The following ADCY2 variants were observed in gnomAD, a reference collection of about 807,000 sequenced individuals.
ADCY2 encodes adenylate cyclase 2.
A neutral mutation model predicts 125.2 loss-of-function variants in ADCY2; 31 were observed. That is an observed-to-expected ratio of 0.25 (90% CI 0.19 to 0.33). ADCY2 has a LOEUF of 0.33. ADCY2 is among the 10% of genes least tolerant of loss of function. The pLI is 1.00. For missense variants in ADCY2, 904 were observed against 1,418.2 expected (o/e 0.64, Z 5.82); for synonymous variants, 512 against 548.4 (o/e 0.93, Z 0.93).
intron 2 of ADCY2, among the ~76,000 whole-genome samples, chr5:7,491,177 T>C (rs972259778): frequency 2.6e-5 from 4 of 152,230 alleles, no homozygotes; most frequent in Non-Finnish European, 4.4e-5. Flanking sequence ...TTTATCTATT[T>C]AATAACTTGA....
intron 3 of ADCY2, among the ~76,000 whole-genome samples, chr5:7,560,786 T>G (rs1735684133): frequency 6.6e-6 from 1 of 151,972 alleles, no homozygotes; most frequent in South Asian, 2.1e-4. Flanking sequence ...CCTCCGAGAT[T>G]CAAGCGATTC....
At chr5:7,708,491 G>T (rs1204223631) in intron 9 of ADCY2, among the ~76,000 whole-genome samples, 2 of 152,120 alleles carry the variant, frequency 1.3e-5, no homozygotes, top group African/African-American at 4.8e-5. Flanking sequence ...TCAAATTCCT[G>T]CCAAATGGGT....
rs200896424 is a variant in ADCY2 at position 7,433,135 on chromosome 5, A to AACC, written c.408+18368_408+18370dup. Among the ~76,000 whole-genome samples, 22 of 152,322 alleles carry AACC rather than the reference A, an allele frequency of 1.4e-4. No individual in the cohort carries two copies. The East Asian group carries it at 4.1e-3, about 28-fold the overall frequency. Reference sequence around the variant, plus strand: ...CGCCAAAAAACGTGTCCAGGCTGGAAACCACTGCTTCTTCCTTCTTTCCAT... The same window carrying AACC: ...CGCCAAAAAACGTGTCCAGGCTGGAAACCACCACTGCTTCTTCCTTCTTTCCAT... On this transcript the variant is annotated intron_variant, in intron 2 of 24. Transcript: ENST00000338316.
At chr5:7,502,784 C>T (rs752391472) in intron 2 of ADCY2, among the ~76,000 whole-genome samples, 13 of 152,184 alleles carry the variant, frequency 8.5e-5, no homozygotes, top group Non-Finnish European at 1.5e-4. Flanking sequence ...TTTCCCAATA[C>T]TGTGCTTGAC....
chr5:7,626,345 T>A, intron 4 of ADCY2, 29 bp downstream of exon 4: 2 of 1,608,668 alleles, frequency 1.2e-6, no homozygotes, highest in Non-Finnish European at 1.7e-6. Flanking sequence ...TACATCCACA[T>A]TATTTTAGTC....
chr5:7,488,115 T>C (rs1358313940), intron 2 of ADCY2, among the ~76,000 whole-genome samples: 1 of 152,146 alleles, frequency 6.6e-6, no homozygotes, highest in Admixed American at 6.5e-5. Context: ...ATAATCCCCA[T>C]GTGTAAAGGG....
At chr5:7,426,056 T>C (rs1302545601) in intron 2 of ADCY2, among the ~76,000 whole-genome samples, 1 of 152,040 alleles carries the variant, frequency 6.6e-6, no homozygotes, top group African/African-American at 2.4e-5. Context: ...GGTAGTAAAG[T>C]CCCTGGAAGA....
At chr5:7,422,434 A>G (rs1452655741) in intron 2 of ADCY2, among the ~76,000 whole-genome samples, 4 of 152,056 alleles carry the variant, frequency 2.6e-5, no homozygotes, top group Non-Finnish European at 5.9e-5. Context: ...TTTTTCAGGC[A>G]GGTTGGATTG....
At chr5:7,472,530 G>T (rs552657418) in intron 2 of ADCY2, among the ~76,000 whole-genome samples, 202 of 151,986 alleles carry the variant, frequency 1.3e-3, no homozygotes, top group African/African-American at 4.8e-3. Flanking sequence ...TATGCAAGTA[G>T]ATATATATAT....
At chr5:7,405,122 A>AACTT (rs1474446780) in intron 1 of ADCY2, among the ~76,000 whole-genome samples, 2 of 152,148 alleles carry the variant, frequency 1.3e-5, no homozygotes, top group Admixed American at 1.3e-4. Flanking sequence ...GATAGAACCT[A>AACTT]ACTTGATGAA....
chr5:7,676,548 T>C (rs1424519779), intron 4 of ADCY2, among the ~76,000 whole-genome samples: 1 of 152,162 alleles, frequency 6.6e-6, no homozygotes, highest in Admixed American at 6.5e-5. Flanking sequence ...ATAATTCATA[T>C]GGATTTACGT....
intron 3 of ADCY2, among the ~76,000 whole-genome samples, chr5:7,598,166 A>G (rs1425692168): frequency 6.6e-6 from 1 of 152,182 alleles, no homozygotes; most frequent in Non-Finnish European, 1.5e-5. Context: ...TTCGTCTTTT[A>G]GTGCCTCCTG....
At chr5:7,549,192 C>T (rs1735246655) in intron 3 of ADCY2, among the ~76,000 whole-genome samples, 2 of 152,146 alleles carry the variant, frequency 1.3e-5, no homozygotes, top group African/African-American at 4.8e-5. Flanking sequence ...CCCTGAGATC[C>T]CTGTGACTGA....
intron 12 of ADCY2, among the ~76,000 whole-genome samples, chr5:7,720,718 A>G (rs1331077668): frequency 6.6e-6 from 1 of 152,148 alleles, no homozygotes; most frequent in African/African-American, 2.4e-5. Flanking sequence ...CCTACAAAGG[A>G]CATGAACTCA....
intron 12 of ADCY2, among the ~76,000 whole-genome samples, chr5:7,721,639 T>C (rs1350887867): frequency 6.6e-6 from 1 of 152,222 alleles, no homozygotes; most frequent in African/African-American, 2.4e-5. Context: ...CCCAGCACCA[T>C]TTATTAAATA....
chr5:7,660,707 T>C (rs1002522596), intron 4 of ADCY2, among the ~76,000 whole-genome samples: 3 of 152,172 alleles, frequency 2.0e-5, no homozygotes, highest in African/African-American at 7.2e-5. Flanking sequence ...CTTCAGTTGA[T>C]TGGATGAGTC....
intron 3 of ADCY2, among the ~76,000 whole-genome samples, chr5:7,575,285 AT>A (rs565540070): frequency 6.0e-4 from 92 of 152,090 alleles, no homozygotes; most frequent in Middle Eastern, 6.8e-3. Context: ...ATTATTGGTG[AT>A]TTTTTTTTCT....
chr5:7,559,863 A>G (rs377369263), intron 3 of ADCY2, among the ~76,000 whole-genome samples: 20 of 152,318 alleles, frequency 1.3e-4, no homozygotes, highest in African/African-American at 4.8e-4. Context: ...TAAAACTTTT[A>G]TGAAAATTTG....
intron 12 of ADCY2, among the ~76,000 whole-genome samples, chr5:7,719,288 G>C (rs1233303547): frequency 6.6e-6 from 1 of 152,190 alleles, no homozygotes; most frequent in Non-Finnish European, 1.5e-5. Context: ...AACTGCTTAT[G>C]TTGTAATTTT....
Sources: allele counts gnomAD v4.1 joint callset (sites outside exome capture counted in the v4.1 genomes callset), GRCh38; gene constraint gnomAD v4.1.1; transcripts MANE v1.5; gene names NCBI Gene and HGNC (gene_info 2026-07-23, HGNC 2026-07-21).